The following HCRTR2 variants were observed in gnomAD, a reference collection of about 807,000 sequenced individuals.
HCRTR2 encodes orexin receptor type 2.
HCRTR2 carries 22 observed loss-of-function variants against 49.0 expected under a neutral mutation model. The ratio of observed to expected loss-of-function variants is 0.45; its 90% CI spans 0.32 to 0.64. The LOEUF (loss-of-function observed/expected upper bound fraction) is 0.64. HCRTR2 is among the 30% of genes least tolerant of loss of function. The pLI is 0.04. For missense variants in HCRTR2, 491 were observed against 559.4 expected (o/e 0.88, Z 1.23); for synonymous variants, 236 against 205.3 (o/e 1.15, Z -1.28).
chr6:55,160,097 G>A (rs1328288378), intron 1 of HCRTR2, among the ~76,000 whole-genome samples: 2 of 152,160 alleles, frequency 1.3e-5, no homozygotes, highest in African/African-American at 4.8e-5. Context: ...GAAAGGTCGG[G>A]TTACCCACAA....
intron 1 of HCRTR2, among the ~76,000 whole-genome samples, chr6:55,184,733 A>G (rs998769777): frequency 1.3e-5 from 2 of 152,208 alleles, no homozygotes; most frequent in African/African-American, 4.8e-5. Flanking sequence ...CTAGTTCACA[A>G]TGGAAATACA....
intron 2 of HCRTR2, among the ~76,000 whole-genome samples, chr6:55,249,833 A>G (rs1396213703): frequency 6.6e-6 from 1 of 152,126 alleles, no homozygotes; most frequent in African/African-American, 2.4e-5. Context: ...ACAGCAAATG[A>G]AATGGTGACC....
intron 1 of HCRTR2, among the ~76,000 whole-genome samples, chr6:55,218,057 C>T (rs1765822664): frequency 6.6e-6 from 1 of 152,196 alleles, no homozygotes. Context: ...TGGCAGATGG[C>T]ATCACATGCT....
At chr6:55,282,070 A>G (rs746494997) in intron 6 of HCRTR2, among the ~76,000 whole-genome samples, 155 bp from the exon 7 acceptor site, 12 of 152,184 alleles carry the variant, frequency 7.9e-5, no homozygotes, top group Non-Finnish European at 1.6e-4. Context: ...AGCTTCCAAT[A>G]AACTCAATTT....
chr6:55,226,087 T>C (rs1274411794), intron 1 of HCRTR2, among the ~76,000 whole-genome samples: 1 of 152,160 alleles, frequency 6.6e-6, no homozygotes, highest in Admixed American at 6.5e-5. Flanking sequence ...ATTGGGAAAT[T>C]TGTAAGAGCA....
intron 2 of HCRTR2, among the ~76,000 whole-genome samples, chr6:55,253,582 G>A (rs964444130): frequency 3.3e-5 from 5 of 152,018 alleles, no homozygotes; most frequent in Non-Finnish European, 7.4e-5. Context: ...GCAAGTATAC[G>A]TTCACTGCAG....
At chr6:55,209,626 T>C (rs1437169902) in intron 1 of HCRTR2, among the ~76,000 whole-genome samples, 2 of 152,202 alleles carry the variant, frequency 1.3e-5, no homozygotes, top group East Asian at 3.8e-4. Flanking sequence ...TTACAAAAAC[T>C]TGAAAACTGG....
At chr6:55,262,241 T>C (rs575726607) in intron 3 of HCRTR2, among the ~76,000 whole-genome samples, 2 of 149,906 alleles carry the variant, frequency 1.3e-5, no homozygotes, top group Admixed American at 1.4e-4. Flanking sequence ...ACACCAACTG[T>C]TTCCCCAAAA....
chr6:55,214,914 A>G (rs1050571870), intron 1 of HCRTR2, among the ~76,000 whole-genome samples: 2 of 152,042 alleles, frequency 1.3e-5, no homozygotes, highest in Non-Finnish European at 2.9e-5. Flanking sequence ...CAAAAAGAAG[A>G]CTAAAAAAGA....
intron 1 of HCRTR2, among the ~76,000 whole-genome samples, chr6:55,118,279 A>T (rs1348983894): frequency 6.6e-6 from 1 of 151,790 alleles, no homozygotes; most frequent in Non-Finnish European, 1.5e-5. Context: ...TATGCACCAC[A>T]TTTTTTTATC....
At chr6:55,224,577 T>A (rs1182395104) in intron 1 of HCRTR2, among the ~76,000 whole-genome samples, 1 of 151,706 alleles carries the variant, frequency 6.6e-6, no homozygotes, top group Admixed American at 6.6e-5. Context: ...GAGCCGAGGT[T>A]GTGCCACTGA....
intron 1 of HCRTR2, among the ~76,000 whole-genome samples, chr6:55,202,229 A>G (rs1470781420): frequency 6.6e-6 from 1 of 152,196 alleles, no homozygotes; most frequent in South Asian, 2.1e-4. Flanking sequence ...CAGACAAGAA[A>G]TGCTACTTGA....
intron 1 of HCRTR2, among the ~76,000 whole-genome samples, chr6:55,140,062 C>T (rs1220295922): frequency 6.6e-6 from 1 of 152,116 alleles, no homozygotes; most frequent in African/African-American, 2.4e-5. Flanking sequence ...CACACCCATG[C>T]ATAGTGGATA....
At chr6:55,198,482 C>T (rs567479465) in intron 1 of HCRTR2, among the ~76,000 whole-genome samples, 4 of 152,146 alleles carry the variant, frequency 2.6e-5, no homozygotes, top group African/African-American at 9.7e-5. Context: ...AAACTCAACC[C>T]TAACTTTAAA....
chr6:55,174,380 A>G (rs1764996527), upstream of HCRTR2: 5 of 602,402 alleles, frequency 8.3e-6, no homozygotes, highest in Admixed American at 2.5e-5. Context: ...TCCCGGTGCA[A>G]CATCGCCTGT....
intron 1 of HCRTR2, among the ~76,000 whole-genome samples, chr6:55,140,117 A>G (rs1764487185): frequency 6.6e-6 from 1 of 151,934 alleles, no homozygotes; most frequent in South Asian, 2.1e-4. Context: ...AGCTGAAAAG[A>G]AAAAGGATAT....
At position 55,204,492 on chromosome 6, in the gene HCRTR2, C is replaced by A. The variant is rs563720860; in HGVS notation, c.223+29682C>A. Among the ~76,000 whole-genome samples the A allele has an allele frequency of 1.4e-4, 22 of 152,144 alleles. No individual in the cohort carries two copies. In the South Asian group the frequency reaches 4.6e-3, roughly 32 times the overall value. ...ATACAAACCTGAGCTAATACTGGGG[C>A]AAAGAGTGGAAGCAGGGAAATATTT... is the stretch of plus-strand genomic sequence containing the variant. On this transcript the variant is annotated intron_variant, in intron 1 of 6. Coordinates refer to ENST00000370862, the MANE Select transcript of HCRTR2 (RefSeq NM_001384272.1).
chr6:55,278,053 A>G (rs1466438227), intron 5 of HCRTR2, among the ~76,000 whole-genome samples: 2 of 152,216 alleles, frequency 1.3e-5, no homozygotes, highest in Non-Finnish European at 2.9e-5. Context: ...TATACTTAAA[A>G]GTGCATTGGC....
chr6:55,106,485 T>A (rs1763967957), exon 1 of HCRTR2: 1 of 152,036 alleles, frequency 6.6e-6, no homozygotes, highest in Admixed American at 6.6e-5. Context: ...CTGAAACAAA[T>A]CAAGAGGTGA....
Sources: allele counts gnomAD v4.1 joint callset (sites outside exome capture counted in the v4.1 genomes callset), GRCh38; gene constraint gnomAD v4.1.1; transcripts MANE v1.5; gene names NCBI Gene and HGNC (gene_info 2026-07-23, HGNC 2026-07-21).